Variants in PSKH2 observed in about 807,000 individuals in gnomAD.
The protein encoded by PSKH2 is serine/threonine-protein kinase H2.
Under a neutral mutation model 22.5 loss-of-function variants are expected in PSKH2, and 16 were observed. The observed-to-expected ratio is 0.71, with a 90% confidence interval of 0.48 to 1.08. The LOEUF is 1.08. Ranked by LOEUF, PSKH2 falls within the 50% of genes least tolerant of loss-of-function variation. The pLI is 0.00. For synonymous variants in PSKH2, 188 were observed against 184.8 expected, an observed-to-expected ratio of 1.02 and a Z score of -0.14; for missense variants, 516 against 492.8, an observed-to-expected ratio of 1.05 and a Z score of -0.44.
rs1222218754 is a variant in PSKH2, at chr8:86,047,943, G to C, written c.*519C>G. ...TGATAGATTGAAATTATATCTTATA[G>C]TTCTTTATAGGCCCCATAATTAATA... On this transcript the variant is annotated 3_prime_UTR_variant, in exon 3 of 3. Coordinates refer to ENST00000276616, the MANE Select transcript of PSKH2 (RefSeq NM_033126.3). Among the ~76,000 whole-genome samples, 1 of 151,954 alleles carries C rather than the reference G, an allele frequency of 6.6e-6. No individual in the cohort carries two copies. Among genetic ancestry groups the C allele is most frequent in the Non-Finnish European group, 1.5e-5 (1 of 67,972 alleles).
Position 86,047,548 on chromosome 8 carries a change from A to G in PSKH2, c.*914T>C, listed in dbSNP as rs186418001. ...TTTACTATGTTTACCCACACATATG[A>G]GTGACTCACAGATATGATTAATAAT... is the stretch of plus-strand genomic sequence containing the variant. On this transcript the variant is annotated 3_prime_UTR_variant, in exon 3 of 3. Coordinates refer to ENST00000276616, the MANE Select transcript of PSKH2 (RefSeq NM_033126.3). Among the ~76,000 whole-genome samples the G allele has an allele frequency of 5.5e-4, 83 of 152,292 alleles. No individual in the cohort carries two copies. The highest frequency in any genetic ancestry group is 2.2e-3 in the Admixed American group (34 of 15,294).
chr8:86,062,753 A>G lies in PSKH2; in HGVS notation c.852+1212T>C, dbSNP rs1214699983. On this transcript the variant is annotated intron_variant, in intron 2 of 2. Coordinates refer to ENST00000276616, the MANE Select transcript of PSKH2 (RefSeq NM_033126.3). ...AAATATAAATTACCCAGTCTTGAAT[A>G]TTTCTTTACAGTAGTGTGAAAATGG... 3.9e-5 allele frequency among the ~76,000 whole-genome samples: 6 copies of G among 152,286 alleles called. No individual in the cohort carries two copies. In the East Asian group the frequency reaches 1.2e-3, roughly 29 times the overall value.
At chr8:86,054,693 G>T (rs1382264792) in intron 2 of PSKH2, among the ~76,000 whole-genome samples, 1 of 152,102 alleles carries the variant, frequency 6.6e-6, no homozygotes, top group Non-Finnish European at 1.5e-5. Context: ...TGTAAATTCT[G>T]GGAAGAGTGA....
rs1491501381 is a variant in PSKH2, at chr8:86,049,704, AAG to A, written c.853-939_853-938del. 1.2e-4 allele frequency among the ~76,000 whole-genome samples: 6 copies of A among 49,468 alleles called. 1 individual carries two copies. In the South Asian group the frequency reaches 7.6e-3, roughly 63 times the overall value. The allele number at this position is 49,468 out of a possible 152,430, so 32.5% of individuals were successfully genotyped here. A position where few individuals can be genotyped will look rare whatever the true frequency, so the allele number is the denominator to read the frequency against. On this transcript the variant is annotated intron_variant, in intron 2 of 2. Coordinates refer to ENST00000276616, the MANE Select transcript of PSKH2 (RefSeq NM_033126.3). ...AAAGAAAGAAAGAAAGAAAGAAAGA[AAG>A]AAAGAAAGAAAGAAAGAAAGAAAGA...
rs1817813511 is a variant in PSKH2 at position 86,063,909 on chromosome 8, G to A, written c.852+56C>T. Reference sequence around the variant, plus strand: ...CAGTCTTAAATGTCAAAAGTGACAAGGTGGAGAAGCCCCACTCTAAACCAA... The same window carrying A: ...CAGTCTTAAATGTCAAAAGTGACAAAGTGGAGAAGCCCCACTCTAAACCAA... On this transcript the variant is annotated intron_variant, in intron 2 of 2. Coordinates refer to ENST00000276616, the MANE Select transcript of PSKH2 (RefSeq NM_033126.3). The A allele has an allele frequency of 2.9e-6, 4 of 1,389,740 alleles. No individual in the cohort carries two copies. In the South Asian group the frequency reaches 4.0e-5, roughly 14 times the overall value. 86.1% of individuals were successfully genotyped at this position (1,389,740 alleles called of 1,614,324 possible).
intron 2 of PSKH2, among the ~76,000 whole-genome samples, chr8:86,049,734 GAAAGAAAGAAAGAAACGAAA>G (rs1211804378): frequency 0.017 from 783 of 45,684 alleles, 56 homozygotes; most frequent in African/African-American, 0.042. Flanking sequence ...AAGAAAGAAA[GAAAGAAAGAAAGAAACGAAA>G]GAAAGAAAGA....
intron 2 of PSKH2, among the ~76,000 whole-genome samples, chr8:86,060,683 T>C (rs961088210): frequency 6.6e-5 from 10 of 152,164 alleles, no homozygotes; most frequent in Non-Finnish European, 1.3e-4. Flanking sequence ...CTAAGACACT[T>C]GATGATATCA....
intron 2 of PSKH2, among the ~76,000 whole-genome samples, chr8:86,054,156 C>T (rs1300073153): frequency 6.6e-6 from 1 of 152,106 alleles, no homozygotes; most frequent in Non-Finnish European, 1.5e-5. Flanking sequence ...TTACAATTTG[C>T]TAAATATAGA....
rs750455511 is a variant in PSKH2, at chr8:86,069,583, G to A, written c.40C>T (p.Pro14Ser). Residue 14 changes from proline to serine, a missense_variant, in exon 1 of 3, where the codon CCA becomes TCA. Transcript: ENST00000276616. ...GASRKVVPGP[P>S]ALAWAKHEGQ... ...TCGTGCTTGGCCCAAGCCAGCGCTGGTGGCCCCGGGACCACCTTCCTGCTG... is the reference window on the plus strand; with the variant it reads ...TCGTGCTTGGCCCAAGCCAGCGCTGATGGCCCCGGGACCACCTTCCTGCTG... The A allele has an allele frequency of 1.9e-6, 3 of 1,598,650 alleles. No homozygotes were observed. The highest frequency in any genetic ancestry group is 1.7e-6 in the Non-Finnish European group (2 of 1,174,244).
intron 1 of PSKH2, among the ~76,000 whole-genome samples, chr8:86,067,824 G>A (rs60311767): frequency 0.02 from 3,049 of 152,278 alleles, 102 homozygotes; most frequent in African/African-American, 0.069. Context: ...AGACGACTGT[G>A]TTCTAGTCCC....
rs376242267 is a variant in PSKH2 at position 86,064,187 on chromosome 8, G to A, written c.630C>T (p.Ser210=). The A allele has an allele frequency of 2.2e-5, 35 of 1,613,616 alleles. No individual in the cohort carries two copies. Among genetic ancestry groups the A allele is most frequent in the Middle Eastern group, 1.6e-4 (1 of 6,082 alleles). The stretch of plus-strand genomic sequence containing the variant: ...TTGTCCAGTCACCACTTTTTTTCCC[G>A]GAGTATGCCAAACCAAAATCTGTAA... The part of the protein sequence containing the change: ...ILITDFGLAY[S]GKKSGDWTMK... Residue 210 remains serine, a synonymous_variant, in exon 2 of 3, where the codon TCC becomes TCT. Coordinates refer to ENST00000276616, the MANE Select transcript of PSKH2 (RefSeq NM_033126.3).
intron 1 of PSKH2, 45 bp downstream of exon 1, chr8:86,069,393 C>T: frequency 3.4e-6 from 5 of 1,491,682 alleles, no homozygotes; most frequent in Non-Finnish European, 4.5e-6. Context: ...AGGGGTTTTT[C>T]TTTGTCAGCC....
At chr8:86,062,183 A>C (rs1817786114) in intron 2 of PSKH2, among the ~76,000 whole-genome samples, 1 of 152,202 alleles carries the variant, frequency 6.6e-6, no homozygotes, top group South Asian at 2.1e-4. Flanking sequence ...TATTGTGAAA[A>C]TTTTCCAATG....
At chr8:86,052,668 T>C (rs1817649189) in intron 2 of PSKH2, among the ~76,000 whole-genome samples, 1 of 152,112 alleles carries the variant, frequency 6.6e-6, no homozygotes, top group Admixed American at 6.5e-5. Flanking sequence ...AATATGAAAA[T>C]TATCCAATAA....
chr8:86,057,813 C>A (rs753958919), intron 2 of PSKH2, among the ~76,000 whole-genome samples: 2 of 152,156 alleles, frequency 1.3e-5, no homozygotes, highest in Non-Finnish European at 2.9e-5. Flanking sequence ...CAAATGTGGC[C>A]CTTTTCATGG....
At chr8:86,048,804 TA>T in intron 2 of PSKH2, 37 bp from the exon 3 acceptor site, 1 of 1,473,676 alleles carries the variant, frequency 6.8e-7, no homozygotes, top group Non-Finnish European at 9.2e-7. Flanking sequence ...ATAAAATAAA[TA>T]AAATGGAAAT....
In PSKH2 at chr8:86,064,399, C is replaced by G; in HGVS notation, c.418G>C (p.Ala140Pro). Reference protein sequence around the residue: ...EDQVYMVMELATGGELFDRLI... With the variant: ...EDQVYMVMELPTGGELFDRLI... ...CGATCAAAGAGCTCCCCTCCGGTAG[C>G]CAGCTCCATTACCATGTAAACTTGA... The change falls in exon 2 of 3, where the codon GCT (alanine) becomes CCT (proline). Residue 140 changes from alanine (A) to proline (P), a missense_variant. By Grantham distance (27) the Ala-to-Pro change is conservative (BLOSUM62 -1). Transcript: ENST00000276616. 1 of 1,614,182 alleles carries G rather than the reference C, an allele frequency of 6.2e-7. No homozygotes were observed. The highest frequency in any genetic ancestry group is 2.2e-5 in the East Asian group (1 of 44,880).
chr8:86,048,672 G>T lies in PSKH2; in HGVS notation c.948C>A (p.Asp316Glu), dbSNP rs999686433. The T allele has an allele frequency of 6.2e-7, 1 of 1,614,126 alleles. No individual in the cohort carries two copies. ...GHRMSAGQAL[D>E]HPWVITMAAG... ...CAGCCATGGTGATCACCCAGGGATG[G>T]TCCAGGGCCTGGCCAGCTGACATGC... Residue 316 changes from aspartate (D) to glutamate (E), a missense_variant, in exon 3 of 3, where the codon GAC (aspartate) becomes GAA (glutamate). Transcript: ENST00000276616.
intron 2 of PSKH2, among the ~76,000 whole-genome samples, chr8:86,054,115 C>T (rs746804790): frequency 2.0e-5 from 3 of 152,026 alleles, no homozygotes; most frequent in Admixed American, 6.6e-5. Context: ...ATTCTAGATG[C>T]AAACCTTTGA....
Sources: gnomAD v4.1 joint callset for allele counts (sites outside exome capture counted in the v4.1 genomes callset) on GRCh38, gnomAD v4.1.1 for gene constraint, MANE v1.5 for transcripts, NCBI Gene and HGNC (gene_info 2026-07-23, HGNC 2026-07-21) for gene names.